Variants in USP49 observed in about 807,000 individuals in gnomAD.
USP49 encodes ubiquitin specific peptidase 49, also known as ubiquitin carboxyl-terminal hydrolase 49.
Under a neutral mutation model 58.6 loss-of-function variants are expected in USP49, and 24 were observed. The observed-to-expected ratio is 0.41, with a 90% CI of 0.30 to 0.58. The LOEUF (loss-of-function observed/expected upper bound fraction) is 0.58. USP49 is among the 20% of genes least tolerant of loss of function. The pLI is 0.30. For missense variants in USP49, 703 were observed against 866.1 expected (o/e 0.81, Z 2.36); for synonymous variants, 408 against 365.1 (o/e 1.12, Z -1.34).
chr6:41,864,059 C>T (rs1244441435), intron 3 of USP49, among the ~76,000 whole-genome samples: 2 of 152,030 alleles, frequency 1.3e-5, no homozygotes, highest in South Asian at 2.1e-4. Flanking sequence ...GCCACCACAC[C>T]TGGCCATAAA....
chr6:41,810,736 G>A (rs1434236707), intron 3 of USP49, among the ~76,000 whole-genome samples: 1 of 151,304 alleles, frequency 6.6e-6, no homozygotes, highest in African/African-American at 2.4e-5. Flanking sequence ...TAGTAGATAT[G>A]GGGTTTCACC....
intron 4 of USP49, 98 bp downstream of exon 4, chr6:41,805,530 T>G (rs1773096724): frequency 1.8e-5 from 24 of 1,301,856 alleles, no homozygotes; most frequent in Non-Finnish European, 2.5e-5. Flanking sequence ...ACAGCAAATG[T>G]GGGCTACTCT....
At chr6:41,871,840 A>G (rs980944213) in intron 2 of USP49, among the ~76,000 whole-genome samples, 3 of 152,244 alleles carry the variant, frequency 2.0e-5, no homozygotes, top group Non-Finnish European at 4.4e-5. Context: ...TCAGTCACTT[A>G]TGGGTAGACT....
intron 2 of USP49, among the ~76,000 whole-genome samples, chr6:41,876,213 A>G (rs1396520914): frequency 6.6e-6 from 1 of 152,244 alleles, no homozygotes; most frequent in East Asian, 1.9e-4. Context: ...CAGGCAAGGC[A>G]GTCATAATAA....
chr6:41,802,410 T>TATTTTATTTTA (rs1773019633), intron 5 of USP49, among the ~76,000 whole-genome samples: 1 of 108,334 alleles, frequency 9.2e-6, no homozygotes, highest in Non-Finnish European at 1.8e-5. Context: ...ATTTTATTTT[T>TATTTTATTTTA]TATTTTATTT....
chr6:41,849,143 C>G (rs1773975649), intron 3 of USP49, among the ~76,000 whole-genome samples: 1 of 151,976 alleles, frequency 6.6e-6, no homozygotes, highest in South Asian at 2.1e-4. Context: ...AAATGGTAAC[C>G]AGAAGAGAGC....
chr6:41,883,004 AG>A (rs1327877552), intron 2 of USP49, among the ~76,000 whole-genome samples: 1 of 152,182 alleles, frequency 6.6e-6, no homozygotes, highest in Non-Finnish European at 1.5e-5. Context: ...AAAACCAACC[AG>A]GGATTTAAGA....
chr6:41,832,499 G>T (rs1305850453), intron 3 of USP49, among the ~76,000 whole-genome samples: 1 of 152,172 alleles, frequency 6.6e-6, no homozygotes, highest in Non-Finnish European at 1.5e-5. Flanking sequence ...CACACACATG[G>T]TGTGTTGCTT....
chr6:41,855,575 T>A (rs1774113808), intron 3 of USP49, among the ~76,000 whole-genome samples: 1 of 152,160 alleles, frequency 6.6e-6, no homozygotes, highest in African/African-American at 2.4e-5. Flanking sequence ...CCCTTAGCAC[T>A]CTGCAAAATG....
At chr6:41,846,031 C>T (rs1252011425) in intron 3 of USP49, among the ~76,000 whole-genome samples, 2 of 151,976 alleles carry the variant, frequency 1.3e-5, no homozygotes, top group Non-Finnish European at 2.9e-5. Context: ...AAATAAAAAT[C>T]ATGGCCAGGC....
chr6:41,872,129 T>A (rs1376407487), intron 2 of USP49, among the ~76,000 whole-genome samples: 6 of 152,254 alleles, frequency 3.9e-5, no homozygotes, highest in Non-Finnish European at 8.8e-5. Context: ...CGGTATATAT[T>A]CTGTACACAA....
intron 3 of USP49, among the ~76,000 whole-genome samples, chr6:41,823,988 G>T (rs1432992962): frequency 1.3e-5 from 2 of 152,270 alleles, no homozygotes; most frequent in East Asian, 3.9e-4. Context: ...CCTAAAGTTG[G>T]AGAGCACTAA....
intron 2 of USP49, among the ~76,000 whole-genome samples, chr6:41,886,009 ATTTCT>A (rs1474773270): frequency 6.6e-6 from 1 of 152,202 alleles, no homozygotes; most frequent in Non-Finnish European, 1.5e-5. Flanking sequence ...TTTCTAAAAT[ATTTCT>A]TTTAAGAGTA....
chr6:41,833,093 T>C (rs1309153268), intron 3 of USP49: 1 of 151,604 alleles, frequency 6.6e-6, no homozygotes, highest in Non-Finnish European at 1.5e-5. Context: ...CCCGGCTCAC[T>C]GCAACCTCCA....
intron 3 of USP49, among the ~76,000 whole-genome samples, chr6:41,866,671 AT>A (rs1177516881): frequency 6.6e-6 from 1 of 152,146 alleles, no homozygotes; most frequent in Non-Finnish European, 1.5e-5. Flanking sequence ...CTTATTTTAC[AT>A]TTTTGTTAAT....
chr6:41,852,098 G>A (rs769846128), intron 3 of USP49, among the ~76,000 whole-genome samples: 3 of 152,074 alleles, frequency 2.0e-5, no homozygotes, highest in Non-Finnish European at 4.4e-5. Flanking sequence ...GGACGAGGAG[G>A]GCGGATCACC....
chr6:41,824,802 TCTCC>T (rs1320719091), intron 3 of USP49, among the ~76,000 whole-genome samples: 1 of 152,156 alleles, frequency 6.6e-6, no homozygotes, highest in Admixed American at 6.5e-5. Context: ...CTTAGCTCAC[TCTCC>T]CGTGGGGGTA....
intron 3 of USP49, among the ~76,000 whole-genome samples, chr6:41,823,881 G>C (rs1773493144): frequency 6.6e-6 from 1 of 152,034 alleles, no homozygotes; most frequent in Non-Finnish European, 1.5e-5. Flanking sequence ...TGTGTGTGCG[G>C]GGTGGACAGT....
Position 41,856,374 on chromosome 6 carries a change from C to CAA in USP49, c.-29+15188_-29+15189dup, listed in dbSNP as rs534562516. Among the ~76,000 whole-genome samples, 40 of 118,246 alleles carry CAA rather than the reference C, an allele frequency of 3.4e-4. 1 individual carries two copies. Among genetic ancestry groups the CAA allele is most frequent in the African/African-American group, 9.0e-4 (30 of 33,210 alleles). 77.6% of individuals were successfully genotyped at this position (118,246 alleles called of 152,430 possible). A position where few individuals can be genotyped will look rare whatever the true frequency, so the allele number is the denominator to read the frequency against. On this transcript the variant is annotated intron_variant, in intron 3 of 7. Transcript: ENST00000682992. ...TGGGCGACAGAGCGAGACCCCGTCTCAAAAAAAAAAAAAAACTTGTAATAT... is the reference window on the plus strand; with the variant it reads ...TGGGCGACAGAGCGAGACCCCGTCTCAAAAAAAAAAAAAAAAACTTGTAATAT...
Sources: allele counts gnomAD v4.1 joint callset (sites outside exome capture counted in the v4.1 genomes callset), GRCh38; gene constraint gnomAD v4.1.1; transcripts MANE v1.5; gene names NCBI Gene and HGNC (gene_info 2026-07-23, HGNC 2026-07-21).